PDE1C: variants seen among roughly 807,000 people sequenced by gnomAD.
PDE1C encodes dual specificity calcium/calmodulin-dependent 3',5'-cyclic nucleotide phosphodiesterase 1C.
Under a neutral mutation model 93.1 loss-of-function variants are expected in PDE1C, and 62 were observed. The observed-to-expected ratio is 0.67, with a 90% confidence interval of 0.54 to 0.82. PDE1C has a LOEUF of 0.82. PDE1C is among the 40% of genes least tolerant of loss of function. The probability of loss-of-function intolerance (pLI) is 0.00; values close to 1 mark genes in which losing one functional copy is unlikely to be tolerated. For missense variants in PDE1C, 742 were observed against 884.6 expected (o/e 0.84, Z 2.04); for synonymous variants, 325 against 310.1 (o/e 1.05, Z -0.50).
intron 16 of PDE1C, among the ~76,000 whole-genome samples, chr7:31,803,805 C>T (rs1786415802): frequency 1.3e-5 from 2 of 151,912 alleles, no homozygotes; most frequent in Admixed American, 6.6e-5. Flanking sequence ...CGTTGTTGGA[C>T]ATTTAGGTTG....
At chr7:32,369,878 T>C (rs1784298646) in intron 1 of PDE1C, among the ~76,000 whole-genome samples, 1 of 152,234 alleles carries the variant, frequency 6.6e-6, no homozygotes, top group African/African-American at 2.4e-5. Context: ...TTTACACTGT[T>C]GGTAGGAGTG....
At chr7:32,164,939 C>G (rs1301630758) in intron 3 of PDE1C, among the ~76,000 whole-genome samples, 1 of 152,166 alleles carries the variant, frequency 6.6e-6, no homozygotes, top group Admixed American at 6.5e-5. Flanking sequence ...AAAACCTGAG[C>G]AGAGCAACAG....
chr7:32,410,819 C>G (rs1450390872), intron 1 of PDE1C, among the ~76,000 whole-genome samples: 2 of 152,210 alleles, frequency 1.3e-5, no homozygotes, highest in Non-Finnish European at 2.9e-5. Context: ...TAACTCTATT[C>G]CACCCCCTTG....
At chr7:31,780,308 C>T (rs777705817) in intron 16 of PDE1C, among the ~76,000 whole-genome samples, 43 of 152,174 alleles carry the variant, frequency 2.8e-4, no homozygotes, top group Non-Finnish European at 5.0e-4. Context: ...CTCATCCTCA[C>T]GGATGTGAAT....
At chr7:31,934,678 TA>T in intron 2 of PDE1C, among the ~76,000 whole-genome samples, 1 of 152,274 alleles carries the variant, frequency 6.6e-6, no homozygotes, top group South Asian at 2.1e-4. Context: ...ACTGTAAAGT[TA>T]TCTGATTTGT....
At chr7:32,112,405 T>G (rs1798690403) in intron 3 of PDE1C, among the ~76,000 whole-genome samples, 1 of 152,148 alleles carries the variant, frequency 6.6e-6, no homozygotes, top group Admixed American at 6.6e-5. Flanking sequence ...CAACACATTT[T>G]ATTGAGATAA....
intron 3 of PDE1C, among the ~76,000 whole-genome samples, chr7:32,109,552 G>A (rs1476547711): frequency 6.6e-6 from 1 of 152,090 alleles, no homozygotes; most frequent in Non-Finnish European, 1.5e-5. Context: ...TACCCAATAG[G>A]TGCCAGTAGT....
intron 1 of PDE1C, among the ~76,000 whole-genome samples, chr7:32,414,280 A>C (rs1785229097): frequency 6.6e-6 from 1 of 152,078 alleles, no homozygotes; most frequent in Admixed American, 6.6e-5. Context: ...TATACTACCT[A>C]CACAGAACAC....
chr7:31,712,581 G>A, the PDE1C span, among the ~76,000 whole-genome samples: 1 of 152,208 alleles, frequency 6.6e-6, no homozygotes, highest in Non-Finnish European at 1.5e-5. Flanking sequence ...AGAGACAGCA[G>A]GGGTCAGCTG....
intron 2 of PDE1C, among the ~76,000 whole-genome samples, chr7:31,920,099 A>G (rs1802412026): frequency 6.6e-6 from 1 of 152,082 alleles, no homozygotes; most frequent in African/African-American, 2.4e-5. Context: ...AGATCAACCA[A>G]TCTTCTGGGC....
At chr7:32,404,366 G>A (rs1785010157) in intron 1 of PDE1C, among the ~76,000 whole-genome samples, 1 of 151,962 alleles carries the variant, frequency 6.6e-6, no homozygotes, top group Admixed American at 6.6e-5. Flanking sequence ...CTTTGTTTTG[G>A]TTTTGGTTTT....
intron 1 of PDE1C, among the ~76,000 whole-genome samples, chr7:32,402,387 G>T (rs1196338229): frequency 3.9e-5 from 6 of 152,064 alleles, no homozygotes; most frequent in Non-Finnish European, 7.3e-5. Flanking sequence ...TAAGAACCAG[G>T]ACAGCTGATA....
intron 2 of PDE1C, among the ~76,000 whole-genome samples, chr7:32,019,146 G>GTT (rs1195346395): frequency 8.8e-5 from 9 of 102,408 alleles, no homozygotes; most frequent in Admixed American, 3.4e-4. Flanking sequence ...ACATTATGTT[G>GTT]TTTTAAAAAA....
chr7:31,892,438 C>A (rs1305204295), intron 2 of PDE1C, among the ~76,000 whole-genome samples: 3 of 152,188 alleles, frequency 2.0e-5, no homozygotes, highest in African/African-American at 7.2e-5. Context: ...AGTGACTTTA[C>A]TAAAGGCTCA....
At chr7:32,014,261 G>A (rs1195716432) in intron 2 of PDE1C, among the ~76,000 whole-genome samples, 1 of 151,432 alleles carries the variant, frequency 6.6e-6, no homozygotes, top group Non-Finnish European at 1.5e-5. Context: ...TGTCAAGTCA[G>A]TAAGAAGATA....
intron 16 of PDE1C, among the ~76,000 whole-genome samples, chr7:31,805,315 C>T (rs986820401): frequency 6.6e-6 from 1 of 151,688 alleles, no homozygotes; most frequent in Non-Finnish European, 1.5e-5. Flanking sequence ...CAATTTAAAA[C>T]TTATAATTGT....
At chr7:32,330,733 A>G (rs1783496264) in intron 1 of PDE1C, among the ~76,000 whole-genome samples, 1 of 152,116 alleles carries the variant, frequency 6.6e-6, no homozygotes, top group South Asian at 2.1e-4. Flanking sequence ...TTCCAGAGAG[A>G]GAGGTCAATG....
chr7:31,926,744 C>A (rs28459775), intron 2 of PDE1C, among the ~76,000 whole-genome samples: 10,639 of 152,194 alleles, frequency 0.07, 655 homozygotes, highest in African/African-American at 0.17. Flanking sequence ...CTGTGAGGGA[C>A]TGTGCTCTCC....
chr7:31,955,207 C>T (rs1353440560), intron 2 of PDE1C, among the ~76,000 whole-genome samples: 2 of 152,200 alleles, frequency 1.3e-5, no homozygotes, highest in Admixed American at 6.5e-5. Context: ...TGACAATCCT[C>T]CCTGCCCCCG....
Sources: gnomAD v4.1 joint callset for allele counts (sites outside exome capture counted in the v4.1 genomes callset) on GRCh38, gnomAD v4.1.1 for gene constraint, MANE v1.5 for transcripts, NCBI Gene and HGNC (gene_info 2026-07-23, HGNC 2026-07-21) for gene names.